Variants in ZNF599 observed in about 807,000 individuals in gnomAD.
ZNF599 encodes the protein zinc finger protein 599.
A neutral mutation model predicts 11.7 loss-of-function variants in ZNF599; 10 were observed. That is an observed-to-expected ratio of 0.86 (90% CI 0.53 to 1.45). The LOEUF (loss-of-function observed/expected upper bound fraction) is 1.45. ZNF599 is among the 40% of genes most tolerant of loss of function. The pLI is 0.00. For synonymous variants in ZNF599, 232 were observed against 253.2 expected (o/e 0.92, Z 0.79); for missense variants, 688 against 713.6 (o/e 0.96, Z 0.41).
chr19:34,793,392 G>A, the ZNF599 span, among the ~76,000 whole-genome samples: 1 of 152,216 alleles, frequency 6.6e-6, no homozygotes, highest in Non-Finnish European at 1.5e-5. Context: ...CATAGGGTCA[G>A]TGGTCAGGGG....
intron 3 of ZNF599, among the ~76,000 whole-genome samples, chr19:34,766,295 T>C (rs914284270): frequency 4.6e-5 from 7 of 152,120 alleles, no homozygotes; most frequent in Non-Finnish European, 1.0e-4. Flanking sequence ...ATCATCACCT[T>C]GAGGTTTTTA....
At chr19:34,805,659 C>T in the ZNF599 span, among the ~76,000 whole-genome samples, 1 of 151,712 alleles carries the variant, frequency 6.6e-6, no homozygotes, top group Non-Finnish European at 1.5e-5. Context: ...TCCTCCCTCA[C>T]TCTCAAAATT....
chr19:34,773,457 A>G (rs534383416), upstream of ZNF599, among the ~76,000 whole-genome samples: 1 of 152,092 alleles, frequency 6.6e-6, no homozygotes, highest in African/African-American at 2.4e-5. Flanking sequence ...ATCTGAGGCA[A>G]TGACCCACTC....
At chr19:34,788,708 A>G in the ZNF599 span, 1 of 152,226 alleles carries the variant, frequency 6.6e-6, no homozygotes, top group Admixed American at 6.5e-5. Context: ...TATCTGTAGA[A>G]AACGTGACAA....
At position 34,760,452 on chromosome 19, in the gene ZNF599, T is replaced by C; in HGVS notation, c.349A>G (p.Arg117Gly). The change falls in exon 4 of 4, where the codon AGG becomes GGG. Residue 117 changes from arginine (R) to glycine (G), a missense_variant. Physicochemically the swap from Arg to Gly is moderately radical, Grantham distance 125. Transcript: ENST00000329285. ...LLAQRSSRDS[R>G]LGQARDEEKL... ...TCCTCATCTCTAGCTTGCCCCAACC[T>C]GGAATCTCTTGAGGATCTCTGTGCC... 2 of 1,614,154 alleles carry C rather than the reference T, an allele frequency of 1.2e-6. No individual in the cohort carries two copies. The highest frequency in any genetic ancestry group is 1.1e-5 in the South Asian group (1 of 91,084).
chr19:34,789,258 G>A, the ZNF599 span, among the ~76,000 whole-genome samples: 1 of 151,994 alleles, frequency 6.6e-6, no homozygotes, highest in Non-Finnish European at 1.5e-5. Flanking sequence ...ATCATATCTC[G>A]ATGAACAGTT....
At position 34,772,810 on chromosome 19, in the gene ZNF599, A is replaced by C. The variant is rs1187831450; in HGVS notation, c.18+14T>G. 6.5e-7 allele frequency: 1 copy of C among 1,531,620 alleles called. No homozygotes were observed. The highest frequency in any genetic ancestry group is 1.2e-5 in the South Asian group (1 of 83,634). The allele number at this position is 1,531,620 out of a possible 1,614,324, so 94.9% of individuals were successfully genotyped here. A position where few individuals can be genotyped will look rare whatever the true frequency, so the allele number is the denominator to read the frequency against. On this transcript the variant is annotated intron_variant, in intron 1 of 3. Coordinates refer to ENST00000329285, the MANE Select transcript of ZNF599 (RefSeq NM_001007248.3). The stretch of plus-strand genomic sequence containing the variant: ...TGACCCGAGCTCGCGCGGGCTGCGG[A>C]ACCCTCCACTCACCAACGCCGGCGC...
chr19:34,798,963 G>C, the ZNF599 span, among the ~76,000 whole-genome samples: 1 of 152,012 alleles, frequency 6.6e-6, no homozygotes, highest in East Asian at 1.9e-4. Context: ...TCTGTAGTTT[G>C]TCTTTCCCAG....
At chr19:34,777,495 A>G (rs1372326707), upstream of ZNF599, among the ~76,000 whole-genome samples, 1 of 110,474 alleles carries the variant, frequency 9.1e-6, no homozygotes, top group Non-Finnish European at 1.7e-5. Context: ...AATATATGAT[A>G]TATATTAATA....
chr19:34,787,082 T>A, the ZNF599 span, among the ~76,000 whole-genome samples: 16 of 152,252 alleles, frequency 1.1e-4, no homozygotes, highest in African/African-American at 3.9e-4. Context: ...CTGGCTGCAG[T>A]TTGAGAAAGG....
At chr19:34,792,338 G>A in the ZNF599 span, among the ~76,000 whole-genome samples, 5 of 152,280 alleles carry the variant, frequency 3.3e-5, no homozygotes, top group East Asian at 1.9e-4. Flanking sequence ...ACAAAATCCC[G>A]GGATGAAGCA....
chr19:34,782,236 G>A, the ZNF599 span, among the ~76,000 whole-genome samples: 25 of 152,342 alleles, frequency 1.6e-4, no homozygotes, highest in Admixed American at 1.3e-3. Context: ...ACCTTGGCAG[G>A]TGAGTGGCCA....
chr19:34,775,539 T>C (rs10221458), upstream of ZNF599, among the ~76,000 whole-genome samples: 2,740 of 152,302 alleles, frequency 0.018, 81 homozygotes, highest in African/African-American at 0.061. Flanking sequence ...TGGAGTTTCT[T>C]TGTGAAGTGA....
the ZNF599 span, among the ~76,000 whole-genome samples, chr19:34,797,651 C>T: frequency 6.6e-6 from 1 of 152,262 alleles, no homozygotes; most frequent in Admixed American, 6.5e-5. Context: ...TGCAGAAGTA[C>T]AGTATACAGA....
At chr19:34,794,890 G>C in the ZNF599 span, among the ~76,000 whole-genome samples, 1 of 152,038 alleles carries the variant, frequency 6.6e-6, no homozygotes. Context: ...AATCTTAAGG[G>C]GTTGTAGAAG....
intron 3 of ZNF599, among the ~76,000 whole-genome samples, chr19:34,766,745 C>T (rs114718639): frequency 0.01 from 1,577 of 152,304 alleles, 28 homozygotes; most frequent in African/African-American, 0.036. Context: ...AACCACATTT[C>T]CCAGCCTGAT....
chr19:34,774,518 T>C (rs1191910545), upstream of ZNF599, among the ~76,000 whole-genome samples: 1 of 152,160 alleles, frequency 6.6e-6, no homozygotes, highest in African/African-American at 2.4e-5. Flanking sequence ...GAAAACATAA[T>C]GAAGACACAA....
At chr19:34,763,609 C>G (rs2069125043) in intron 3 of ZNF599, 1 of 152,222 alleles carries the variant, frequency 6.6e-6, no homozygotes, top group Non-Finnish European at 1.5e-5. Context: ...TGACCTTAGA[C>G]TTGCGGCCTC....
intron 3 of ZNF599, among the ~76,000 whole-genome samples, chr19:34,761,472 GAT>G (rs1348232273): frequency 2.4e-4 from 37 of 152,206 alleles, no homozygotes; most frequent in African/African-American, 8.7e-4. Context: ...TCAGTCAGCT[GAT>G]ATAGAGACCA....
Sources: allele counts gnomAD v4.1 joint callset (sites outside exome capture counted in the v4.1 genomes callset), GRCh38; gene constraint gnomAD v4.1.1; transcripts MANE v1.5; gene names NCBI Gene and HGNC (gene_info 2026-07-23, HGNC 2026-07-21).